The following GABPA variants were observed in gnomAD, a reference collection of about 807,000 sequenced individuals.
GABPA encodes GA binding protein transcription factor subunit alpha, also known as GA-binding protein alpha chain.
Under a neutral mutation model 59.4 loss-of-function variants are expected in GABPA, and 4 were observed. That is an observed-to-expected ratio of 0.07 (90% CI 0.03 to 0.15). The LOEUF (loss-of-function observed/expected upper bound fraction) is 0.15. Among genes scored for constraint, GABPA ranks in the 10% least tolerant of loss-of-function variants. GABPA has a pLI of 1.00. For synonymous variants in GABPA, 164 were observed against 183.1 expected (o/e 0.90, Z 0.84); for missense variants, 251 against 543.8 (o/e 0.46, Z 5.36).
At chr21:25,738,690 A>G (rs1453844647) in intron 1 of GABPA, among the ~76,000 whole-genome samples, 2 of 152,182 alleles carry the variant, frequency 1.3e-5, no homozygotes, top group Non-Finnish European at 2.9e-5. Context: ...CATTTATTCA[A>G]CACATATTGG....
rs1324538802 is a variant in GABPA, at chr21:25,762,302, T to C, written c.749-10T>C. ...TTTAAATAAAAACAAAAAATTTTTG[T>C]TTTTTTCAGATGTATTGGCAAGTCA... On this transcript the variant is annotated splice_polypyrimidine_tract_variant and intron_variant, in intron 6 of 9. Coordinates refer to ENST00000400075, the MANE Select transcript of GABPA (RefSeq NM_002040.4). 2 of 1,531,074 alleles carry C rather than the reference T, an allele frequency of 1.3e-6. No homozygotes were observed. The highest frequency in any genetic ancestry group is 1.4e-5 in the African/African-American group (1 of 71,936). The allele number at this position is 1,531,074 out of a possible 1,614,324, so 94.8% of individuals were successfully genotyped here.
Position 25,769,261 on chromosome 21 carries a change from C to A in GABPA, c.*29C>A. 1 of 1,427,650 alleles carries A rather than the reference C, an allele frequency of 7.0e-7. No individual in the cohort carries two copies. Among genetic ancestry groups the A allele is most frequent in the Non-Finnish European group, 9.9e-7 (1 of 1,012,346 alleles). 88.4% of individuals were successfully genotyped at this position (1,427,650 alleles called of 1,614,324 possible). A position where few individuals can be genotyped will look rare whatever the true frequency, so the allele number is the denominator to read the frequency against. ...CCAGGACATTCTGAGACTCCAAAGT[C>A]TTTCTTAAAATGTTTAGAGCAAGTA... On this transcript the variant is annotated 3_prime_UTR_variant, in exon 10 of 10. Transcript: ENST00000400075.
intron 7 of GABPA, among the ~76,000 whole-genome samples, chr21:25,763,930 TA>T (rs2035824995): frequency 2.9e-4 from 1 of 3,470 alleles, no homozygotes; most frequent in African/African-American, 3.6e-4. Context: ...CAAACATGTT[TA>T]AATACTCTTT....
At chr21:25,760,576 C>T (rs2035741883) in intron 6 of GABPA, among the ~76,000 whole-genome samples, 2 of 151,980 alleles carry the variant, frequency 1.3e-5, no homozygotes. Flanking sequence ...TAGGAAATGT[C>T]CCAGTACTAC....
chr21:25,763,064 G>A, intron 7 of GABPA: 2 of 391,650 alleles, frequency 5.1e-6, no homozygotes, highest in Non-Finnish European at 9.9e-6. Context: ...GTACTTGCTA[G>A]AAGTACAGTC....
chr21:25,745,052 A>G lies in GABPA; in HGVS notation c.78-158A>G, dbSNP rs1025225856. 2.3e-4 allele frequency among the ~76,000 whole-genome samples: 35 copies of G among 152,106 alleles called. No homozygotes were observed. Among genetic ancestry groups the G allele is most frequent in the Non-Finnish European group, 1.0e-4 (7 of 67,962 alleles). On this transcript the variant is annotated intron_variant, in intron 2 of 9. Coordinates refer to ENST00000400075, the MANE Select transcript of GABPA (RefSeq NM_002040.4). ...ATGAAATTCAGTGTTCATTTTGGCA[A>G]CACTAGTTGGTGATGAGCCTGCCAC...
At chr21:25,753,637 T>C (rs2035566073) in intron 5 of GABPA, among the ~76,000 whole-genome samples, 1 of 152,184 alleles carries the variant, frequency 6.6e-6, no homozygotes, top group African/African-American at 2.4e-5. Flanking sequence ...GGATTATTCT[T>C]AAATTTAGAC....
chr21:25,768,358 A>G (rs956848763), intron 9 of GABPA, among the ~76,000 whole-genome samples: 8 of 152,066 alleles, frequency 5.3e-5, no homozygotes, highest in Admixed American at 4.6e-4. Flanking sequence ...GCGTTTACAT[A>G]GTGAAATAAT....
chr21:25,738,106 A>G (rs2035127173), intron 1 of GABPA, among the ~76,000 whole-genome samples: 1 of 152,206 alleles, frequency 6.6e-6, no homozygotes, highest in Non-Finnish European at 1.5e-5. Context: ...TATGCTTGAT[A>G]TACTTTTCTC....
intron 2 of GABPA, 87 bp downstream of exon 2, chr21:25,741,762 G>A (rs2035227065): frequency 2.5e-6 from 2 of 800,772 alleles, no homozygotes; most frequent in South Asian, 1.8e-5. Context: ...CTTTTGGACT[G>A]TCTTTTTTTA....
At chr21:25,749,313 A>G (rs568304422) in intron 4 of GABPA, among the ~76,000 whole-genome samples, 193 bp downstream of exon 4, 2 of 152,192 alleles carry the variant, frequency 1.3e-5, no homozygotes, top group Admixed American at 6.5e-5. Context: ...ACTTAGTTCA[A>G]TCATAAAAGG....
intron 2 of GABPA, among the ~76,000 whole-genome samples, chr21:25,744,903 A>C (rs1358642291): frequency 6.6e-6 from 1 of 152,240 alleles, no homozygotes; most frequent in Admixed American, 6.5e-5. Context: ...TTGAAAATGT[A>C]ATGCAAATGC....
chr21:25,766,619 A>G (rs1483710069), intron 9 of GABPA, among the ~76,000 whole-genome samples: 1 of 151,948 alleles, frequency 6.6e-6, no homozygotes, highest in Admixed American at 6.6e-5. Context: ...TATTCAGAGT[A>G]ATGCAATTGA....
chr21:25,735,994 A>C (rs1250388728), intron 1 of GABPA, among the ~76,000 whole-genome samples: 1 of 151,928 alleles, frequency 6.6e-6, no homozygotes, highest in Non-Finnish European at 1.5e-5. Flanking sequence ...TCATCGCGGG[A>C]CTCAGCGATT....
At chr21:25,760,013 A>G (rs1317812815) in intron 6 of GABPA, among the ~76,000 whole-genome samples, 3 of 152,154 alleles carry the variant, frequency 2.0e-5, no homozygotes, top group South Asian at 2.1e-4. Flanking sequence ...TGTCTTGTGT[A>G]TCTTTCCATT....
Position 25,769,135 on chromosome 21 carries a change from A to T in GABPA, c.1268A>T (p.Gln423Leu), listed in dbSNP as rs1406284425. 2.0e-5 allele frequency: 32 copies of T among 1,612,902 alleles called. No individual in the cohort carries two copies. The highest frequency in any genetic ancestry group is 2.6e-5 in the Non-Finnish European group (31 of 1,178,924). ...AACCGTTTGGTCACAGAATGTGAAC[A>T]GAAGAAACTTGCAAAGATGCAGCTC... ...ELNRLVTECE[Q>L]KKLAKMQLHG... Residue 423 changes from glutamine (Q) to leucine (L), a missense_variant, in exon 10 of 10, where the codon CAG becomes CTG. By Grantham distance (113) the Gln-to-Leu change is moderately radical. Coordinates refer to ENST00000400075, the MANE Select transcript of GABPA (RefSeq NM_002040.4).
At chr21:25,753,854 A>T (rs1232988562) in intron 5 of GABPA, among the ~76,000 whole-genome samples, 1 of 152,110 alleles carries the variant, frequency 6.6e-6, no homozygotes, top group Non-Finnish European at 1.5e-5. Context: ...ACAAGGTTGT[A>T]CCTGGGGAGC....
intron 5 of GABPA, among the ~76,000 whole-genome samples, chr21:25,754,772 C>T (rs1408233339): frequency 6.6e-6 from 1 of 152,172 alleles, no homozygotes; most frequent in African/African-American, 2.4e-5. Context: ...TCACTTTAGG[C>T]CAGGCACAGT....
rs1394565514 is a variant in GABPA at position 25,771,966 on chromosome 21, T to G, written c.*2734T>G. 1 of 152,100 alleles carries G rather than the reference T, an allele frequency of 6.6e-6. No individual in the cohort carries two copies. The highest frequency in any genetic ancestry group is 2.4e-5 in the African/African-American group (1 of 41,466). The allele number at this position is 152,100 out of a possible 1,614,324, so 9.4% of individuals were successfully genotyped here. A position where few individuals can be genotyped will look rare whatever the true frequency, so the allele number is the denominator to read the frequency against. ...GTCTATGTTATTAGGAAAAATTGTT[T>G]AGTTGTTTTCTCCCCTGATTAATGG... On this transcript the variant is annotated 3_prime_UTR_variant, in exon 10 of 10. Transcript: ENST00000400075.
Sources: gnomAD v4.1 joint callset for allele counts (sites outside exome capture counted in the v4.1 genomes callset) on GRCh38, gnomAD v4.1.1 for gene constraint, MANE v1.5 for transcripts, NCBI Gene and HGNC (gene_info 2026-07-23, HGNC 2026-07-21) for gene names.